Variants in RBFOX1 observed in about 807,000 individuals in gnomAD.
RBFOX1 encodes RNA binding protein fox-1 homolog 1.
Under a neutral mutation model 57.7 loss-of-function variants are expected in RBFOX1, and 8 were observed. That is an observed-to-expected ratio of 0.14 (90% CI 0.08 to 0.25). The LOEUF is 0.25. Ranked by LOEUF, RBFOX1 falls within the 10% of genes least tolerant of loss-of-function variation. The pLI, the probability that RBFOX1 is intolerant of heterozygous loss-of-function variation, is 1.00. For synonymous variants in RBFOX1, 326 were observed against 222.4 expected (o/e 1.47, Z -4.15); for missense variants, 611 against 548.5 (o/e 1.11, Z -1.14).
At chr16:6,377,603 C>T (rs1891328) in intron 2 of RBFOX1, among the ~76,000 whole-genome samples, 90,412 of 151,496 alleles carry the variant, frequency 0.6, 27,355 homozygotes, top group African/African-American at 0.68. Flanking sequence ...AGGGTCTGTG[C>T]CGACAGAAAT....
chr16:5,412,382 A>G (rs1432586799), intron 1 of RBFOX1, among the ~76,000 whole-genome samples: 2 of 152,226 alleles, frequency 1.3e-5, no homozygotes, highest in Non-Finnish European at 2.9e-5. Context: ...GTTATCACTA[A>G]TGATATTTTT....
intron 2 of RBFOX1, among the ~76,000 whole-genome samples, chr16:5,549,683 C>G (rs1173628830): frequency 6.6e-6 from 1 of 152,074 alleles, no homozygotes; most frequent in Non-Finnish European, 1.5e-5. Flanking sequence ...GGGTAGAAAC[C>G]TAATACAAAT....
chr16:6,646,683 T>A (rs907748428), intron 2 of RBFOX1, among the ~76,000 whole-genome samples: 5 of 152,116 alleles, frequency 3.3e-5, no homozygotes, highest in Admixed American at 6.5e-5. Flanking sequence ...AGAGAGCTGC[T>A]TTTCCTCACC....
chr16:6,802,115 C>A (rs1474589007), intron 3 of RBFOX1, among the ~76,000 whole-genome samples: 1 of 151,922 alleles, frequency 6.6e-6, no homozygotes, highest in African/African-American at 2.4e-5. Flanking sequence ...TTAAGAAATC[C>A]TTCAGTATCT....
intron 3 of RBFOX1, among the ~76,000 whole-genome samples, chr16:7,036,726 C>G (rs1053157637): frequency 1.6e-4 from 18 of 111,096 alleles, no homozygotes; most frequent in African/African-American, 3.9e-4. Context: ...AAACAAAAAA[C>G]AAACAAAGAA....
chr16:7,513,558 G>GT (rs1460356476), intron 4 of RBFOX1, among the ~76,000 whole-genome samples: 1 of 152,184 alleles, frequency 6.6e-6, no homozygotes, highest in African/African-American at 2.4e-5. Flanking sequence ...CGTATACTCT[G>GT]TAAGATGTTT....
At chr16:6,856,017 C>G (rs1014224015) in intron 3 of RBFOX1, among the ~76,000 whole-genome samples, 2 of 152,082 alleles carry the variant, frequency 1.3e-5, no homozygotes, top group Non-Finnish European at 2.9e-5. Context: ...CCCTTATATT[C>G]TCTAACTAGG....
intron 2 of RBFOX1, among the ~76,000 whole-genome samples, chr16:6,542,855 G>A (rs1344883797): frequency 6.6e-6 from 1 of 152,014 alleles, no homozygotes; most frequent in Admixed American, 6.5e-5. Flanking sequence ...TCTTTTGTAA[G>A]TCTGTAAACT....
intron 1 of RBFOX1, among the ~76,000 whole-genome samples, chr16:6,295,894 C>T (rs1004578849): frequency 2.0e-5 from 3 of 152,164 alleles, no homozygotes; most frequent in Non-Finnish European, 4.4e-5. Context: ...CCGATAATGT[C>T]CCCTGGGCCA....
At chr16:5,972,549 C>T (rs1044418347) in intron 4 of RBFOX1, among the ~76,000 whole-genome samples, 8 of 152,184 alleles carry the variant, frequency 5.3e-5, no homozygotes, top group Admixed American at 5.2e-4. Context: ...AATTCCTTAG[C>T]TAGGAGTACC....
At chr16:7,559,947 C>G (rs1003248174) in intron 5 of RBFOX1, among the ~76,000 whole-genome samples, 6 of 152,178 alleles carry the variant, frequency 3.9e-5, no homozygotes, top group African/African-American at 1.2e-4. Flanking sequence ...AGGATTGCCT[C>G]CCTAAGGTAT....
At chr16:5,880,433 G>C (rs931522492) in intron 4 of RBFOX1, among the ~76,000 whole-genome samples, 1 of 152,182 alleles carries the variant, frequency 6.6e-6, no homozygotes, top group East Asian at 1.9e-4. Context: ...GGGATGATAC[G>C]AGTGATGTCC....
At chr16:7,132,420 A>G (rs2070728763) in intron 4 of RBFOX1, among the ~76,000 whole-genome samples, 1 of 148,706 alleles carries the variant, frequency 6.7e-6, no homozygotes, top group Non-Finnish European at 1.5e-5. Context: ...GGTTGAAGAA[A>G]TTGTGATACA....
At chr16:7,037,753 G>C (rs556166122) in intron 3 of RBFOX1, among the ~76,000 whole-genome samples, 96 of 152,308 alleles carry the variant, frequency 6.3e-4, no homozygotes, top group Non-Finnish European at 1.1e-3. Flanking sequence ...CTAATAAGGA[G>C]TTGAGTTGAG....
At chr16:6,139,769 A>G (rs1306475009) in intron 1 of RBFOX1, among the ~76,000 whole-genome samples, 3 of 151,154 alleles carry the variant, frequency 2.0e-5, no homozygotes, top group Non-Finnish European at 4.4e-5. Flanking sequence ...CTCCTTATGT[A>G]TCTGTTTTTG....
chr16:6,983,180 C>G (rs755538697), intron 3 of RBFOX1, among the ~76,000 whole-genome samples: 12 of 151,956 alleles, frequency 7.9e-5, no homozygotes, highest in Non-Finnish European at 1.2e-4. Flanking sequence ...AAGCCTCTAC[C>G]CTTTCCTTGG....
At chr16:5,795,664 C>G (rs768723157) in intron 3 of RBFOX1, among the ~76,000 whole-genome samples, 26 of 152,166 alleles carry the variant, frequency 1.7e-4, no homozygotes, top group Non-Finnish European at 2.9e-4. Flanking sequence ...TCTTCCAAAT[C>G]CTAACTCAAA....
intron 1 of RBFOX1, among the ~76,000 whole-genome samples, chr16:5,368,518 T>G (rs1211126517): frequency 6.6e-6 from 1 of 152,192 alleles, no homozygotes; most frequent in Non-Finnish European, 1.5e-5. Flanking sequence ...GAGATGAAAG[T>G]ATGTTTCTTT....
At chr16:7,050,734 C>A (rs2014907878) in intron 3 of RBFOX1, among the ~76,000 whole-genome samples, 1 of 152,110 alleles carries the variant, frequency 6.6e-6, no homozygotes, top group Non-Finnish European at 1.5e-5. Context: ...CATGTTATGC[C>A]ATACTATCAG....
Sources: gnomAD v4.1 joint callset for allele counts (sites outside exome capture counted in the v4.1 genomes callset) on GRCh38, gnomAD v4.1.1 for gene constraint, MANE v1.5 for transcripts, NCBI Gene and HGNC (gene_info 2026-07-23, HGNC 2026-07-21) for gene names.